The following SMIM41 variants were observed in gnomAD, a reference collection of about 807,000 sequenced individuals.
The protein encoded by SMIM41 is small integral membrane protein 41.
chr12:52,099,436 T>G (rs1405518864), intron 2 of SMIM41, among the ~76,000 whole-genome samples: 1 of 151,432 alleles, frequency 6.6e-6, no homozygotes, highest in Non-Finnish European at 1.5e-5. Flanking sequence ...TCCTGGGATA[T>G]TGGTGTAAAA....
At chr12:52,089,209 G>A (rs976156288) in intron 2 of SMIM41, among the ~76,000 whole-genome samples, 3 of 152,106 alleles carry the variant, frequency 2.0e-5, no homozygotes, top group African/African-American at 7.2e-5. Context: ...ACCACAAGCT[G>A]GGTGGCTTGA....
chr12:52,089,588 C>G (rs368953098), intron 2 of SMIM41, among the ~76,000 whole-genome samples: 46 of 136,168 alleles, frequency 3.4e-4, no homozygotes, highest in African/African-American at 1.3e-3. Context: ...GCAAGACCCC[C>G]GCCTTCAAAA....
At chr12:52,099,262 C>T (rs1053567729) in intron 2 of SMIM41, among the ~76,000 whole-genome samples, 2 of 151,850 alleles carry the variant, frequency 1.3e-5, no homozygotes, top group African/African-American at 2.4e-5. Flanking sequence ...AACCAAATCA[C>T]GGGGATTGTA....
intron 2 of SMIM41, chr12:52,087,773 G>A (rs1364932775): frequency 6.6e-6 from 1 of 152,300 alleles, no homozygotes; most frequent in Non-Finnish European, 1.5e-5. Context: ...GCACCTTAGT[G>A]TCTGGGCGCT....
At chr12:52,082,044 C>G (rs1939827295) in intron 1 of SMIM41, 1 of 152,460 alleles carries the variant, frequency 6.6e-6, no homozygotes. Context: ...CCCCGGGGCC[C>G]TGCCTACCTT....
At chr12:52,101,724 T>C (rs1338289811) in intron 2 of SMIM41, among the ~76,000 whole-genome samples, 1 of 152,086 alleles carries the variant, frequency 6.6e-6, no homozygotes, top group Non-Finnish European at 1.5e-5. Context: ...GTTTTTTTTT[T>C]GTTTTGAGAT....
At chr12:52,092,290 A>G (rs939186442) in intron 2 of SMIM41, 2 of 152,258 alleles carry the variant, frequency 1.3e-5, no homozygotes, top group African/African-American at 4.8e-5. Context: ...ACAATATTTC[A>G]TCCTTTGTCA....
At chr12:52,089,664 C>T (rs779442640) in intron 2 of SMIM41, among the ~76,000 whole-genome samples, 2 of 152,146 alleles carry the variant, frequency 1.3e-5, no homozygotes, top group African/African-American at 2.4e-5. Flanking sequence ...TCCTTGCCTC[C>T]GCCTCGCTTC....
intron 2 of SMIM41, chr12:52,087,702 C>T (rs1000401001): frequency 6.6e-6 from 1 of 152,264 alleles, no homozygotes; most frequent in African/African-American, 2.4e-5. Flanking sequence ...AAATCCTCTC[C>T]ATCCTTAGGA....
chr12:52,089,841 G>A (rs746594370), intron 2 of SMIM41, among the ~76,000 whole-genome samples: 1 of 152,138 alleles, frequency 6.6e-6, no homozygotes, highest in Non-Finnish European at 1.5e-5. Context: ...AGTTCAGTAT[G>A]ACCTCGTCTT....
intron 2 of SMIM41, among the ~76,000 whole-genome samples, chr12:52,098,567 G>C (rs1940147629): frequency 6.6e-6 from 1 of 150,880 alleles, no homozygotes; most frequent in Non-Finnish European, 1.5e-5. Context: ...TTCCCCCCTG[G>C]ATATTGGAAC....
chr12:52,088,224 T>C (rs536123972), intron 2 of SMIM41, among the ~76,000 whole-genome samples: 1 of 152,104 alleles, frequency 6.6e-6, no homozygotes, highest in Non-Finnish European at 1.5e-5. Flanking sequence ...TGTGCTGCAA[T>C]GGAAAGACAG....
intron 2 of SMIM41, among the ~76,000 whole-genome samples, chr12:52,096,236 TG>T (rs974674285): frequency 4.6e-5 from 7 of 151,660 alleles, no homozygotes; most frequent in Admixed American, 6.6e-5. Flanking sequence ...CCTGCGATAC[TG>T]GGAGTAATAG....
At chr12:52,090,888 C>G (rs780880870) in intron 2 of SMIM41, among the ~76,000 whole-genome samples, 1 of 152,316 alleles carries the variant, frequency 6.6e-6, no homozygotes, top group Non-Finnish European at 1.5e-5. Context: ...TCCTCACCAT[C>G]CTCTCAATAC....
chr12:52,104,970 T>C (rs1940305100), intron 2 of SMIM41, among the ~76,000 whole-genome samples: 1 of 152,230 alleles, frequency 6.6e-6, no homozygotes, highest in Non-Finnish European at 1.5e-5. Context: ...CATTTCATTA[T>C]TATTTTACAG....
intron 2 of SMIM41, among the ~76,000 whole-genome samples, chr12:52,100,053 A>G (rs1940185749): frequency 6.6e-6 from 1 of 151,848 alleles, no homozygotes; most frequent in African/African-American, 2.4e-5. Flanking sequence ...GGGTGTACAC[A>G]CCCTGTGATA....
rs571960085 is a variant in SMIM41 at position 52,079,735 on chromosome 12, GCACATCTGGCGATCCCGC to G, written c.-35_-18del. On this transcript the variant is annotated 5_prime_UTR_variant, in exon 1 of 3. Transcript: ENST00000546390. ...GGCCCGCCCGCCAGTCTGGGCTCCT[GCACATCTGGCGATCCCGC>G]CACATCTGGGCAGCCGGCGCTGGAG... 10 of 392,116 alleles carry G rather than the reference GCACATCTGGCGATCCCGC, an allele frequency of 2.6e-5. No individual in the cohort carries two copies. In the East Asian group the frequency reaches 3.6e-4, roughly 14 times the overall value. 24.3% of individuals were successfully genotyped at this position (392,116 alleles called of 1,614,324 possible).
In SMIM41 at chr12:52,108,173, G is replaced by A. The variant is rs1412123976; in HGVS notation, c.*990G>A. On this transcript the variant is annotated 3_prime_UTR_variant, in exon 3 of 3. Coordinates refer to ENST00000546390, the MANE Select transcript of SMIM41 (RefSeq NM_001369216.1). ...GTGCAGTGGCTGCAGTGATGTACAC[G>A]GTGGTCACCTCCATGCTCAACCCCT... 9.2e-6 allele frequency: 2 copies of A among 216,330 alleles called. No individual in the cohort carries two copies. The highest frequency in any genetic ancestry group is 1.3e-4 in the East Asian group (1 of 7,708). 13.4% of individuals were successfully genotyped at this position (216,330 alleles called of 1,614,324 possible). A position where few individuals can be genotyped will look rare whatever the true frequency, so the allele number is the denominator to read the frequency against.
At chr12:52,103,737 G>C (rs1940269599) in intron 2 of SMIM41, among the ~76,000 whole-genome samples, 1 of 151,476 alleles carries the variant, frequency 6.6e-6, no homozygotes, top group Non-Finnish European at 1.5e-5. Flanking sequence ...CTGGGCGACA[G>C]AGAAAGACTG....
Sources: gnomAD v4.1 joint callset for allele counts (sites outside exome capture counted in the v4.1 genomes callset) on GRCh38, gnomAD v4.1.1 for gene constraint, MANE v1.5 for transcripts, NCBI Gene and HGNC (gene_info 2026-07-23, HGNC 2026-07-21) for gene names.